CHM: variants seen among roughly 807,000 people sequenced by gnomAD.
CHM encodes CHM Rab escort protein.
A neutral mutation model predicts 49.0 loss-of-function variants in CHM; 10 were observed. That is an observed-to-expected ratio of 0.20 (90% CI 0.13 to 0.35). CHM has a LOEUF of 0.35. CHM is among the 10% of genes least tolerant of loss of function. The probability of loss-of-function intolerance (pLI) is 1.00; values close to 1 mark genes in which losing one functional copy is unlikely to be tolerated. For synonymous variants in CHM, 184 were observed against 167.5 expected, an observed-to-expected ratio of 1.10 and a Z score of -0.76; for missense variants, 455 against 478.4, an observed-to-expected ratio of 0.95 and a Z score of 0.46.
In CHM at chrX:86,027,477, G is replaced by A. The variant is rs779112018; in HGVS notation, c.116+14C>T. ...TATTTAGGAAATATTAAATGCTATC[G>A]TTGATAAACTTACGAATCAACATGC... On this transcript the variant is annotated intron_variant, in intron 2 of 14. Coordinates refer to ENST00000357749, the MANE Select transcript of CHM (RefSeq NM_000390.4). 1.6e-5 allele frequency: 19 copies of A among 1,184,745 alleles called. No homozygotes were observed. Among genetic ancestry groups the A allele is most frequent in the South Asian group, 8.9e-5 (5 of 56,197 alleles).
At position 86,031,192 on chromosome X, in the gene CHM, G is replaced by C. The variant is rs371958732; in HGVS notation, c.50-3635C>G. 2.7e-5 allele frequency among the ~76,000 whole-genome samples: 3 copies of C among 111,563 alleles called. No homozygotes were observed. In the East Asian group the frequency reaches 8.5e-4, roughly 32 times the overall value. ...TTGGGGGAGAGGGAAATGGGGAGTT[G>C]CTAATCAACTAGCATGAAGTATCAG... On this transcript the variant is annotated intron_variant, in intron 1 of 14. Coordinates refer to ENST00000357749, the MANE Select transcript of CHM (RefSeq NM_000390.4).
At chrX:85,953,663 C>T (rs1929864259) in intron 8 of CHM, among the ~76,000 whole-genome samples, 1 of 111,978 alleles carries the variant, frequency 8.9e-6, no homozygotes, top group Non-Finnish European at 1.9e-5. Flanking sequence ...CAAGAATATA[C>T]ACTGGGTAAA....
chrX:86,006,948 C>A (rs1932870969), intron 2 of CHM, among the ~76,000 whole-genome samples: 1 of 111,666 alleles, frequency 9.0e-6, no homozygotes, highest in African/African-American at 3.3e-5. Flanking sequence ...GCCCACTTTG[C>A]CAAGTCAATC....
chrX:85,883,229 T>C (rs752258208), intron 12 of CHM, among the ~76,000 whole-genome samples: 13 of 111,732 alleles, frequency 1.2e-4, no homozygotes, highest in Non-Finnish European at 2.5e-4. Context: ...AGAATCTTTA[T>C]TTATAGGCTA....
intron 4 of CHM, chrX:85,970,789 A>T: frequency 4.1e-6 from 1 of 242,946 alleles, no homozygotes; most frequent in Non-Finnish European, 5.8e-6. Flanking sequence ...TAGCAAAAAT[A>T]TTTTAGGTCC....
intron 13 of CHM, among the ~76,000 whole-genome samples, chrX:85,873,609 G>C (rs1411450472): frequency 9.0e-6 from 1 of 111,109 alleles, no homozygotes; most frequent in Admixed American, 9.6e-5. Flanking sequence ...TGGGTTAGTA[G>C]GTTACCTAGG....
chrX:85,962,831 C>T (rs1219036256), intron 5 of CHM, among the ~76,000 whole-genome samples: 1 of 111,110 alleles, frequency 9.0e-6, no homozygotes, highest in African/African-American at 3.3e-5. Context: ...CAATATTGTA[C>T]GCTTCTAAGA....
chrX:85,946,156 G>C (rs1188905127), intron 8 of CHM, among the ~76,000 whole-genome samples: 1 of 112,646 alleles, frequency 8.9e-6, no homozygotes, highest in Non-Finnish European at 1.9e-5. Context: ...GGAAAGCAGA[G>C]TGTAAAAGTT....
At chrX:85,984,401 T>C (rs183835216) in intron 2 of CHM, among the ~76,000 whole-genome samples, 309 of 110,654 alleles carry the variant, frequency 2.8e-3, no homozygotes, top group African/African-American at 9.7e-3. Flanking sequence ...ATAATAGCAT[T>C]ACAAATGAGC....
chrX:85,883,426 T>G (rs187732440), intron 12 of CHM, among the ~76,000 whole-genome samples: 32 of 111,404 alleles, frequency 2.9e-4, no homozygotes, highest in Admixed American at 1.5e-3. Context: ...ACTTTCTCTA[T>G]GGTAGCAAGT....
intron 8 of CHM, among the ~76,000 whole-genome samples, chrX:85,955,071 G>A (rs1187234488): frequency 9.0e-6 from 1 of 111,274 alleles, no homozygotes; most frequent in Non-Finnish European, 1.9e-5. Context: ...GAGACAGAGA[G>A]TAAAAGGATG....
At chrX:86,012,409 T>C (rs1490549874) in intron 2 of CHM, among the ~76,000 whole-genome samples, 1 of 111,786 alleles carries the variant, frequency 8.9e-6, no homozygotes, top group Non-Finnish European at 1.9e-5. Flanking sequence ...AAACTCCTTA[T>C]CTAGGGAATT....
At chrX:85,897,561 A>G (rs896498410) in intron 11 of CHM, among the ~76,000 whole-genome samples, 1 of 110,082 alleles carries the variant, frequency 9.1e-6, no homozygotes, top group South Asian at 3.9e-4. Context: ...CGCGTGGTGG[A>G]CAGCCTCACT....
chrX:86,030,074 C>T (rs151323282), intron 1 of CHM, among the ~76,000 whole-genome samples: 160 of 112,161 alleles, frequency 1.4e-3, no homozygotes, highest in African/African-American at 5.0e-3. Flanking sequence ...CCAAAAATAA[C>T]TCTTACTTAG....
chrX:86,039,355 T>C (rs1490831662), intron 1 of CHM, among the ~76,000 whole-genome samples: 2 of 111,022 alleles, frequency 1.8e-5, no homozygotes, highest in East Asian at 5.6e-4. Context: ...AATTTTCTCA[T>C]GATGATTTTA....
At chrX:85,990,380 A>G (rs1454459764) in intron 2 of CHM, among the ~76,000 whole-genome samples, 1 of 111,631 alleles carries the variant, frequency 9.0e-6, no homozygotes, top group Non-Finnish European at 1.9e-5. Context: ...TAACTTTTGG[A>G]TACTGCGCTT....
intron 11 of CHM, among the ~76,000 whole-genome samples, chrX:85,896,869 ATATG>A (rs1257314828): frequency 1.0e-5 from 1 of 99,842 alleles, no homozygotes; most frequent in Non-Finnish European, 2.0e-5. Context: ...ATAGTATATA[ATATG>A]TATTACATAT....
chrX:85,986,129 C>A (rs1292335999), intron 2 of CHM, among the ~76,000 whole-genome samples: 3 of 111,128 alleles, frequency 2.7e-5, no homozygotes, highest in Non-Finnish European at 5.7e-5. Flanking sequence ...TCACACCCAC[C>A]CCCGACTGCT....
In CHM at chrX:85,963,996, A is replaced by G; in HGVS notation, c.371T>C (p.Leu124Pro). ...TTCTGTGGAGTTTGCAGATGTCACA[A>G]GAGCATGATTTTTCTGCAGTGCACC... Reference protein sequence around the residue: ...EAGALQKNHALVTSANSTEAA... With the variant: ...EAGALQKNHAPVTSANSTEAA... The change falls in exon 5 of 15, where the codon CTT becomes CCT. Residue 124 changes from leucine to proline, a missense_variant. Physicochemically the swap from Leu to Pro is moderately conservative, Grantham distance 98 (BLOSUM62 -3). Transcript: ENST00000357749. 2 of 1,209,408 alleles carry G rather than the reference A, an allele frequency of 1.7e-6. No individual in the cohort carries two copies. The highest frequency in any genetic ancestry group is 3.5e-5 in the South Asian group (2 of 56,355).
Sources: gnomAD v4.1 joint callset for allele counts (sites outside exome capture counted in the v4.1 genomes callset) on GRCh38, gnomAD v4.1.1 for gene constraint, MANE v1.5 for transcripts, NCBI Gene and HGNC (gene_info 2026-07-23, HGNC 2026-07-21) for gene names.